The following LGSN variants were observed in gnomAD, a reference collection of about 807,000 sequenced individuals.
LGSN encodes lengsin, lens protein with glutamine synthetase domain.
A neutral mutation model predicts 19.5 loss-of-function variants in LGSN; 21 were observed. That is an observed-to-expected ratio of 1.07 (90% CI 0.76 to 1.55). The LOEUF (loss-of-function observed/expected upper bound fraction) is 1.55, where lower values mean the gene tolerates loss of function less well. Ranked by LOEUF, LGSN falls within the 40% of genes most tolerant of loss-of-function variation. LGSN has a pLI of 0.00. For missense variants in LGSN, 673 were observed against 608.5 expected (o/e 1.11, Z -1.12); for synonymous variants, 257 against 215.6 (o/e 1.19, Z -1.68).
the LGSN span, among the ~76,000 whole-genome samples, chr6:63,538,598 A>G: frequency 2.6e-5 from 4 of 152,236 alleles, no homozygotes; most frequent in East Asian, 7.7e-4. Context: ...GCAAATACCA[A>G]GAAATAGCAT....
At chr6:63,412,728 A>C in the LGSN span, among the ~76,000 whole-genome samples, 1 of 45,868 alleles carries the variant, frequency 2.2e-5, no homozygotes, top group African/African-American at 1.5e-4. Context: ...GGAAAGAAAG[A>C]AAGAAAGAAA....
chr6:63,422,053 CA>C, the LGSN span, among the ~76,000 whole-genome samples: 12 of 151,866 alleles, frequency 7.9e-5, no homozygotes, highest in African/African-American at 2.7e-4. Context: ...AATGAAAGAC[CA>C]AAAAAATTTT....
the LGSN span, among the ~76,000 whole-genome samples, chr6:63,546,688 G>A: frequency 6.6e-6 from 1 of 151,558 alleles, no homozygotes. Context: ...CCTGGCCAAT[G>A]AGAGCAAAAC....
the LGSN span, among the ~76,000 whole-genome samples, chr6:63,543,208 T>C: frequency 6.6e-6 from 1 of 152,232 alleles, no homozygotes; most frequent in Non-Finnish European, 1.5e-5. Context: ...GACTTGTCCC[T>C]GTTTTAAAAC....
chr6:63,398,235 A>G, the LGSN span, among the ~76,000 whole-genome samples: 17,167 of 149,904 alleles, frequency 0.11, 1,977 homozygotes, highest in African/African-American at 0.3. Context: ...AAAGTTAACT[A>G]TAAAACAGAT....
chr6:63,443,533 T>C, the LGSN span: 1 of 782,446 alleles, frequency 1.3e-6, no homozygotes, highest in Non-Finnish European at 1.6e-6. Flanking sequence ...GACAATGTGG[T>C]CCAGGGTCTG....
At chr6:63,512,911 A>G in the LGSN span, among the ~76,000 whole-genome samples, 7 of 152,220 alleles carry the variant, frequency 4.6e-5, no homozygotes, top group African/African-American at 1.7e-4. Flanking sequence ...CACGTTGGGC[A>G]CTGTTCTCCG....
At chr6:63,412,415 G>GAAAGA in the LGSN span, among the ~76,000 whole-genome samples, 1 of 107,770 alleles carries the variant, frequency 9.3e-6, no homozygotes, top group Non-Finnish European at 1.8e-5. Flanking sequence ...AAGAAAGAAA[G>GAAAGA]AAGAAAGAAA....
chr6:63,339,791 G>C, the LGSN span, among the ~76,000 whole-genome samples: 1 of 151,958 alleles, frequency 6.6e-6, no homozygotes, highest in African/African-American at 2.4e-5. Context: ...TGATTTGGTG[G>C]TTTTCTGTAA....
chr6:63,529,093 A>C, the LGSN span, among the ~76,000 whole-genome samples: 51 of 141,772 alleles, frequency 3.6e-4, no homozygotes, highest in Non-Finnish European at 4.3e-4. Context: ...CCATCTCAAA[A>C]TATATATATG....
the LGSN span, among the ~76,000 whole-genome samples, chr6:63,474,881 C>T: frequency 8.0e-6 from 1 of 124,756 alleles, no homozygotes; most frequent in East Asian, 2.3e-4. Flanking sequence ...TGAGAAGACT[C>T]CGTCTCAAAA....
chr6:63,474,435 C>T, the LGSN span, among the ~76,000 whole-genome samples: 20 of 151,454 alleles, frequency 1.3e-4, no homozygotes, highest in Admixed American at 9.9e-4. Flanking sequence ...GGTGAAACCC[C>T]GTCTCTACTA....
the LGSN span, among the ~76,000 whole-genome samples, chr6:63,456,929 A>G: frequency 2.0e-5 from 3 of 152,212 alleles, no homozygotes; most frequent in Non-Finnish European, 2.9e-5. Context: ...GTTTCCAACA[A>G]AACAGTTCAG....
chr6:63,510,860 G>A, the LGSN span, among the ~76,000 whole-genome samples: 4 of 151,824 alleles, frequency 2.6e-5, no homozygotes, highest in East Asian at 7.7e-4. Context: ...TTTCAGTGGA[G>A]ACAGGATTTC....
At chr6:63,572,670 G>A in the LGSN span, 1 of 410,082 alleles carries the variant, frequency 2.4e-6, no homozygotes, top group Non-Finnish European at 4.3e-6. Context: ...CGCCGCCTCG[G>A]GACCGGCTGT....
chr6:63,438,777 C>A, the LGSN span, among the ~76,000 whole-genome samples: 447 of 152,316 alleles, frequency 2.9e-3, no homozygotes, highest in African/African-American at 0.01. Flanking sequence ...TAGTTCAACC[C>A]TTGTGGAATT....
At chr6:63,339,241 T>G in the LGSN span, among the ~76,000 whole-genome samples, 1 of 152,216 alleles carries the variant, frequency 6.6e-6, no homozygotes, top group Non-Finnish European at 1.5e-5. Context: ...ATTTTCTATC[T>G]GGATGATTTC....
the LGSN span, among the ~76,000 whole-genome samples, chr6:63,482,601 C>T: frequency 3.9e-5 from 6 of 152,104 alleles, no homozygotes; most frequent in African/African-American, 9.7e-5. Flanking sequence ...TGGTGGTGCA[C>T]GCCTGTGGTC....
At chr6:63,312,766 G>C (rs186660339) in intron 1 of LGSN, among the ~76,000 whole-genome samples, 1 of 152,286 alleles carries the variant, frequency 6.6e-6, no homozygotes, top group Admixed American at 6.5e-5. Flanking sequence ...AATAGCTCTG[G>C]AGAAGCGGGC....
Sources: gnomAD v4.1 joint callset for allele counts (sites outside exome capture counted in the v4.1 genomes callset) on GRCh38, gnomAD v4.1.1 for gene constraint, MANE v1.5 for transcripts, NCBI Gene and HGNC (gene_info 2026-07-23, HGNC 2026-07-21) for gene names.